The following SEMA3E variants were observed in gnomAD, a reference collection of about 807,000 sequenced individuals.
The protein encoded by SEMA3E is semaphorin-3E.
Under a neutral mutation model 93.6 loss-of-function variants are expected in SEMA3E, and 49 were observed. The ratio of observed to expected loss-of-function variants is 0.52; its 90% confidence interval spans 0.42 to 0.66. SEMA3E has a LOEUF of 0.66. SEMA3E is among the 30% of genes least tolerant of loss of function. The pLI is 0.00. For missense variants in SEMA3E, 906 were observed against 964.8 expected (o/e 0.94, Z 0.81); for synonymous variants, 363 against 330.7 (o/e 1.10, Z -1.06).
In SEMA3E at chr7:83,471,629, G is replaced by A. The variant is rs552470695; in HGVS notation, c.277-2327C>T. On this transcript the variant is annotated intron_variant, in intron 2 of 16. Transcript: ENST00000643230. ...ACTGTGATCTAAGTCTTAATTGCAA[G>A]CTATACTGAGGATTTTTTTGTTTGT... Among the ~76,000 whole-genome samples the A allele has an allele frequency of 3.9e-5, 6 of 152,230 alleles. No individual in the cohort carries two copies. In the East Asian group the frequency reaches 1.2e-3, roughly 29 times the overall value.
Position 83,433,476 on chromosome 7 carries a change from T to C in SEMA3E, c.457-14993A>G, listed in dbSNP as rs565504052. The stretch of plus-strand genomic sequence containing the variant: ...ATTTATGACAAGCTCCTAACTAAAG[T>C]TTCTACAGTCAAGTCAAACTACAAC... On this transcript the variant is annotated intron_variant, in intron 4 of 16. Coordinates refer to ENST00000643230, the MANE Select transcript of SEMA3E (RefSeq NM_012431.3). 1.2e-4 allele frequency among the ~76,000 whole-genome samples: 19 copies of C among 152,244 alleles called. No individual in the cohort carries two copies. The South Asian group carries it at 3.9e-3, about 32-fold the overall frequency.
At chr7:83,430,628 T>A (rs888269711) in intron 4 of SEMA3E, among the ~76,000 whole-genome samples, 1 of 151,870 alleles carries the variant, frequency 6.6e-6, no homozygotes, top group Non-Finnish European at 1.5e-5. Context: ...AGTTGAACAA[T>A]GAGAACACAT....
chr7:83,461,984 G>C (rs1160908599), intron 4 of SEMA3E: 3 of 152,240 alleles, frequency 2.0e-5, no homozygotes, highest in African/African-American at 7.2e-5. Context: ...CGCAGGCCGG[G>C]ATTCCTCCTA....
intron 16 of SEMA3E, among the ~76,000 whole-genome samples, chr7:83,379,620 A>G (rs532922364): frequency 1.8e-3 from 275 of 151,708 alleles, no homozygotes; most frequent in Admixed American, 3.9e-3. Context: ...TTTTTATTTC[A>G]TCACTCTCTA....
intron 1 of SEMA3E, among the ~76,000 whole-genome samples, chr7:83,550,314 A>T (rs1791738998): frequency 6.6e-6 from 1 of 152,080 alleles, no homozygotes; most frequent in African/African-American, 2.4e-5. Flanking sequence ...TATTCTATCC[A>T]TTTCCAGTAA....
At chr7:83,486,676 C>G (rs1790263829) in intron 2 of SEMA3E, among the ~76,000 whole-genome samples, 1 of 152,038 alleles carries the variant, frequency 6.6e-6, no homozygotes. Flanking sequence ...ACGGGAAGAA[C>G]AAGTACAAAA....
intron 1 of SEMA3E, among the ~76,000 whole-genome samples, chr7:83,498,592 C>T (rs1013291250): frequency 6.6e-6 from 1 of 152,012 alleles, no homozygotes; most frequent in African/African-American, 2.4e-5. Context: ...ATTCTCTTGC[C>T]TCAGGCCCCT....
intron 1 of SEMA3E, among the ~76,000 whole-genome samples, chr7:83,572,088 G>A (rs967323013): frequency 3.3e-5 from 5 of 152,036 alleles, no homozygotes; most frequent in East Asian, 1.9e-4. Context: ...ATAAGTAAAT[G>A]GAAAAATATT....
intron 4 of SEMA3E, among the ~76,000 whole-genome samples, chr7:83,454,393 T>C (rs1168282788): frequency 2.0e-5 from 3 of 150,900 alleles, no homozygotes; most frequent in African/African-American, 7.3e-5. Flanking sequence ...GGGTTTAGAA[T>C]TGGGTGCAGG....
At chr7:83,556,467 T>C (rs1459348820) in intron 1 of SEMA3E, among the ~76,000 whole-genome samples, 4 of 152,126 alleles carry the variant, frequency 2.6e-5, no homozygotes, top group East Asian at 3.9e-4. Context: ...CATGCTATCA[T>C]GTATGTTACA....
intron 4 of SEMA3E, among the ~76,000 whole-genome samples, chr7:83,429,156 A>G (rs1035352725): frequency 1.3e-5 from 2 of 152,198 alleles, no homozygotes; most frequent in Non-Finnish European, 2.9e-5. Flanking sequence ...GTCCTTTAAT[A>G]CCATTGGAAT....
At position 83,418,459 on chromosome 7, in the gene SEMA3E, G is replaced by T. The variant is rs1562773487; in HGVS notation, c.481C>A (p.Pro161Thr). ...LEDPLFHLES[P>T]RSERGRGRCP... ...CTGCCCCTTCCTCTCTCAGATCTGG[G>T]TGATTCCAGGTGAAACAGAGGATCC... is the stretch of plus-strand genomic sequence containing the variant. The change falls in exon 5 of 17, where the codon CCC becomes ACC. Residue 161 changes from proline (P) to threonine (T), a missense_variant. Transcript: ENST00000643230. The T allele has an allele frequency of 1.2e-6, 2 of 1,611,250 alleles. No homozygotes were observed. Among genetic ancestry groups the T allele is most frequent in the Admixed American group, 3.4e-5 (2 of 59,658 alleles).
intron 1 of SEMA3E, among the ~76,000 whole-genome samples, chr7:83,524,233 T>C (rs1244361637): frequency 6.6e-6 from 1 of 152,152 alleles, no homozygotes; most frequent in Non-Finnish European, 1.5e-5. Flanking sequence ...AAATCACTAA[T>C]GTGCTAATAT....
At chr7:83,478,185 A>ATCACCTG (rs2115928681) in intron 2 of SEMA3E, among the ~76,000 whole-genome samples, 1 of 152,292 alleles carries the variant, frequency 6.6e-6, no homozygotes, top group African/African-American at 2.4e-5. Flanking sequence ...GGTCCCCCAA[A>ATCACCTG]GTGGTGGAAT....
intron 1 of SEMA3E, among the ~76,000 whole-genome samples, chr7:83,563,968 T>C (rs557548938): frequency 4.7e-4 from 72 of 152,172 alleles, no homozygotes; most frequent in Non-Finnish European, 9.3e-4. Context: ...AAATTGACCA[T>C]TTCTCCATTT....
intron 4 of SEMA3E, among the ~76,000 whole-genome samples, chr7:83,435,781 T>A (rs1192033629): frequency 2.0e-5 from 3 of 152,208 alleles, no homozygotes; most frequent in African/African-American, 7.2e-5. Context: ...TTTATATCAT[T>A]GGTCTTTCGT....
At chr7:83,520,972 G>A (rs1041941748) in intron 1 of SEMA3E, among the ~76,000 whole-genome samples, 19 of 152,176 alleles carry the variant, frequency 1.2e-4, no homozygotes, top group Non-Finnish European at 4.4e-5. Flanking sequence ...GGGTGACTGA[G>A]ATGTCAGCCA....
At chr7:83,370,741 C>T (rs1011955477) in intron 16 of SEMA3E, among the ~76,000 whole-genome samples, 4 of 152,078 alleles carry the variant, frequency 2.6e-5, no homozygotes, top group African/African-American at 9.7e-5. Context: ...ACCTTCGTTT[C>T]GCCTGTTAAC....
intron 1 of SEMA3E, among the ~76,000 whole-genome samples, chr7:83,568,578 A>C (rs535961912): frequency 6.6e-6 from 1 of 152,292 alleles, no homozygotes; most frequent in East Asian, 1.9e-4. Context: ...ACATATGCAA[A>C]CCAATAATCA....
Sources: gnomAD v4.1 joint callset for allele counts (sites outside exome capture counted in the v4.1 genomes callset) on GRCh38, gnomAD v4.1.1 for gene constraint, MANE v1.5 for transcripts, NCBI Gene and HGNC (gene_info 2026-07-23, HGNC 2026-07-21) for gene names.